Variants in KCNIP4 observed in about 807,000 individuals in gnomAD.
The protein encoded by KCNIP4 is potassium voltage-gated channel interacting protein 4.
KCNIP4 carries 12 observed loss-of-function variants against 34.0 expected under a neutral mutation model. The observed-to-expected ratio is 0.35, with a 90% CI of 0.23 to 0.57. KCNIP4 has a LOEUF of 0.57. KCNIP4 is among the 20% of genes least tolerant of loss of function. The pLI is 0.83. For synonymous variants in KCNIP4, 124 were observed against 102.2 expected (o/e 1.21, Z -1.29); for missense variants, 238 against 311.7 (o/e 0.76, Z 1.78).
intron 1 of KCNIP4, among the ~76,000 whole-genome samples, chr4:20,931,212 C>A (rs1049913795): frequency 2.6e-5 from 4 of 151,684 alleles, no homozygotes; most frequent in Admixed American, 2.0e-4. Flanking sequence ...CACACACACA[C>A]AAACATACAC....
At chr4:21,597,192 G>A (rs1263801656) in intron 1 of KCNIP4, among the ~76,000 whole-genome samples, 3 of 152,150 alleles carry the variant, frequency 2.0e-5, no homozygotes, top group South Asian at 2.1e-4. Flanking sequence ...CATGGGGGTC[G>A]TTTCCCCCAT....
At chr4:21,748,664 G>C (rs1313547576) in intron 1 of KCNIP4, among the ~76,000 whole-genome samples, 1 of 152,138 alleles carries the variant, frequency 6.6e-6, no homozygotes, top group African/African-American at 2.4e-5. Flanking sequence ...TGTTTTGGAA[G>C]GGGTGTAATC....
At chr4:21,582,084 A>AATGGAATGGAATGGAATGGG (rs1560534672) in intron 1 of KCNIP4, 1 of 144,090 alleles carries the variant, frequency 6.9e-6, no homozygotes, top group Non-Finnish European at 1.5e-5. Context: ...AATGGAATGG[A>AATGGAATGGAATGGAATGGG]ATGGGATGGG....
At chr4:21,252,252 C>T (rs1035954708) in intron 1 of KCNIP4, among the ~76,000 whole-genome samples, 3 of 151,460 alleles carry the variant, frequency 2.0e-5, no homozygotes, top group African/African-American at 7.3e-5. Flanking sequence ...CTCAGCCTCC[C>T]GAGTAGCCAG....
At chr4:21,178,141 G>T (rs1754564919) in intron 1 of KCNIP4, among the ~76,000 whole-genome samples, 1 of 152,082 alleles carries the variant, frequency 6.6e-6, no homozygotes, top group African/African-American at 2.4e-5. Flanking sequence ...TTACAACACA[G>T]TTTAATTATC....
chr4:21,835,301 A>G (rs942230898), intron 1 of KCNIP4, among the ~76,000 whole-genome samples: 23 of 152,304 alleles, frequency 1.5e-4, no homozygotes, highest in Admixed American at 1.4e-3. Flanking sequence ...GCAAACTCCC[A>G]TTACTAAAAA....
chr4:21,149,448 G>A (rs559188629), intron 1 of KCNIP4, among the ~76,000 whole-genome samples: 33 of 152,258 alleles, frequency 2.2e-4, no homozygotes, highest in African/African-American at 7.9e-4. Flanking sequence ...ACAGAGAAGG[G>A]TCTCAAGTGA....
chr4:21,498,884 A>G (rs1483452648), intron 1 of KCNIP4, among the ~76,000 whole-genome samples: 2 of 152,196 alleles, frequency 1.3e-5, no homozygotes, highest in East Asian at 1.9e-4. Flanking sequence ...AGAAAAAACA[A>G]ACAAACAAAA....
At chr4:20,738,210 T>G (rs148826343) in intron 5 of KCNIP4, among the ~76,000 whole-genome samples, 1 of 152,274 alleles carries the variant, frequency 6.6e-6, no homozygotes, top group African/African-American at 2.4e-5. Context: ...TCAAGGAAGA[T>G]TGCTGAGCAG....
At chr4:21,209,871 C>T (rs908906215) in intron 1 of KCNIP4, among the ~76,000 whole-genome samples, 12 of 152,080 alleles carry the variant, frequency 7.9e-5, no homozygotes, top group African/African-American at 2.9e-4. Context: ...ATTTTAAGTA[C>T]AAAGATCATT....
chr4:21,698,746 T>C (rs549314740), intron 1 of KCNIP4, among the ~76,000 whole-genome samples: 2 of 152,320 alleles, frequency 1.3e-5, no homozygotes, highest in East Asian at 3.9e-4. Flanking sequence ...ACAGGCCTTT[T>C]GGCTTCTTTT....
chr4:21,709,070 A>G (rs1713509342), intron 1 of KCNIP4, among the ~76,000 whole-genome samples: 1 of 152,152 alleles, frequency 6.6e-6, no homozygotes, highest in Non-Finnish European at 1.5e-5. Context: ...ATATTTGTGT[A>G]TATTTTTTAA....
At chr4:21,867,441 A>T (rs1183708136) in intron 1 of KCNIP4, among the ~76,000 whole-genome samples, 1 of 152,208 alleles carries the variant, frequency 6.6e-6, no homozygotes, top group Non-Finnish European at 1.5e-5. Context: ...ATTCTCTACT[A>T]CTACATTCTC....
At chr4:21,688,362 A>G (rs1169720905) in intron 1 of KCNIP4, among the ~76,000 whole-genome samples, 1 of 152,182 alleles carries the variant, frequency 6.6e-6, no homozygotes, top group South Asian at 2.1e-4. Flanking sequence ...TCCACAATCC[A>G]GAAGAGTCCA....
At chr4:21,533,055 CCAA>C (rs1040469017) in intron 1 of KCNIP4, among the ~76,000 whole-genome samples, 5 of 151,262 alleles carry the variant, frequency 3.3e-5, no homozygotes, top group African/African-American at 1.2e-4. Context: ...CCAGCCAGAA[CCAA>C]CAATAATATT....
chr4:20,741,800 C>G (rs1340147014), intron 5 of KCNIP4, among the ~76,000 whole-genome samples: 1 of 151,950 alleles, frequency 6.6e-6, no homozygotes. Context: ...TTGAAAAGAT[C>G]AACAAAATTG....
chr4:21,426,301 T>A (rs1331576652), intron 1 of KCNIP4, among the ~76,000 whole-genome samples: 1 of 152,214 alleles, frequency 6.6e-6, no homozygotes, highest in Non-Finnish European at 1.5e-5. Context: ...TCGGGTGTGA[T>A]GAAAATGTTC....
rs139958832 is a variant in KCNIP4, at chr4:21,362,543, C to T, written c.62-479834G>A. On this transcript the variant is annotated intron_variant, in intron 1 of 8. Coordinates refer to ENST00000382152, the MANE Select transcript of KCNIP4 (RefSeq NM_025221.6). The stretch of plus-strand genomic sequence containing the variant: ...TGGGTAGAATACATTATATCTGAAC[C>T]TCAGTTATAGCTGGAAAACAAGATT... Among the ~76,000 whole-genome samples the T allele has an allele frequency of 5.2e-3, 791 of 152,124 alleles. 3 individuals are homozygous for T. Among genetic ancestry groups the T allele is most frequent in the African/African-American group, 0.018 (741 of 41,516 alleles).
chr4:20,917,007 A>T (rs1288756445), intron 1 of KCNIP4, among the ~76,000 whole-genome samples: 1 of 7,294 alleles, frequency 1.4e-4, no homozygotes, highest in Non-Finnish European at 2.6e-4. Context: ...ATATATATAT[A>T]TATATATATA....
Sources: gnomAD v4.1 joint callset for allele counts (sites outside exome capture counted in the v4.1 genomes callset) on GRCh38, gnomAD v4.1.1 for gene constraint, MANE v1.5 for transcripts, NCBI Gene and HGNC (gene_info 2026-07-23, HGNC 2026-07-21) for gene names.